The following SH3D19 variants were observed in gnomAD, a reference collection of about 807,000 sequenced individuals.
The protein encoded by SH3D19 is SH3 domain containing 19.
SH3D19 carries 58 observed loss-of-function variants against 112.1 expected under a neutral mutation model. That is an observed-to-expected ratio of 0.52 (90% CI 0.42 to 0.64). The LOEUF (loss-of-function observed/expected upper bound fraction) is 0.64, where lower values mean the gene tolerates loss of function less well. Ranked by LOEUF, SH3D19 falls within the 30% of genes least tolerant of loss-of-function variation. SH3D19 has a pLI of 0.00. For missense variants in SH3D19, 1,090 were observed against 1,263.4 expected (o/e 0.86, Z 2.08); for synonymous variants, 391 against 448.5 (o/e 0.87, Z 1.62).
intron 1 of SH3D19, among the ~76,000 whole-genome samples, chr4:151,240,488 T>C (rs536502035): frequency 4.7e-4 from 71 of 151,882 alleles, no homozygotes; most frequent in Non-Finnish European, 8.7e-4. Flanking sequence ...TGAGGCTTAA[T>C]TTCTCAGTCT....
intron 1 of SH3D19, among the ~76,000 whole-genome samples, chr4:151,287,947 G>A (rs1324427648): frequency 1.3e-5 from 2 of 152,004 alleles, no homozygotes; most frequent in African/African-American, 4.8e-5. Flanking sequence ...TTTATCCCAG[G>A]AAACTTAGGT....
At chr4:151,311,793 TTGCACCAC>T (rs1189091260) in intron 1 of SH3D19, among the ~76,000 whole-genome samples, 1 of 152,152 alleles carries the variant, frequency 6.6e-6, no homozygotes, top group African/African-American at 2.4e-5. Flanking sequence ...TGAGCCGTGA[TTGCACCAC>T]TGCATTATGG....
chr4:151,250,087 G>A (rs1464435978), intron 1 of SH3D19, among the ~76,000 whole-genome samples: 2 of 152,166 alleles, frequency 1.3e-5, no homozygotes, highest in African/African-American at 4.8e-5. Context: ...GGAGGATAAT[G>A]TGGCAATAGA....
At chr4:151,279,794 A>C in intron 1 of SH3D19, 1 of 1,613,676 alleles carries the variant, frequency 6.2e-7, no homozygotes, top group Non-Finnish European at 8.5e-7. Context: ...CTCTTTCTCT[A>C]GTGTGTGGGC....
intron 1 of SH3D19, among the ~76,000 whole-genome samples, chr4:151,302,936 G>A (rs1421810914): frequency 6.6e-6 from 1 of 152,126 alleles, no homozygotes; most frequent in Non-Finnish European, 1.5e-5. Context: ...GTTAATGGGT[G>A]CAGCCACCAA....
chr4:151,237,682 G>A (rs953179607), intron 1 of SH3D19, among the ~76,000 whole-genome samples: 5 of 152,164 alleles, frequency 3.3e-5, no homozygotes, highest in African/African-American at 1.2e-4. Flanking sequence ...TACACAAAGG[G>A]TAGTATATTT....
chr4:151,132,915 G>A (rs547084359), intron 16 of SH3D19, 119 bp downstream of exon 16: 1 of 879,270 alleles, frequency 1.1e-6, no homozygotes. Flanking sequence ...TTTAAAATCA[G>A]TTTTCCTTCT....
At chr4:151,205,022 T>C (rs1711684938) in intron 2 of SH3D19, among the ~76,000 whole-genome samples, 2 of 152,218 alleles carry the variant, frequency 1.3e-5, no homozygotes, top group South Asian at 2.1e-4. Context: ...GGTTTCACCA[T>C]GTTGGCCGGG....
intron 1 of SH3D19, 110 bp from the exon 2 acceptor site, chr4:151,226,196 G>A (rs915706088): frequency 1.6e-6 from 2 of 1,228,224 alleles, no homozygotes; most frequent in Admixed American, 8.5e-5. Flanking sequence ...ACTGTTCAAA[G>A]GTAGTTGTGT....
chr4:151,147,345 G>A (rs555852035), intron 11 of SH3D19, among the ~76,000 whole-genome samples: 22 of 152,318 alleles, frequency 1.4e-4, no homozygotes, highest in Admixed American at 2.6e-4. Context: ...ACTGGGTCAG[G>A]TTTTTCAGAA....
chr4:151,152,535 T>C (rs1250650567), intron 9 of SH3D19, among the ~76,000 whole-genome samples: 2 of 149,938 alleles, frequency 1.3e-5, no homozygotes, highest in Middle Eastern at 3.2e-3. Context: ...TTTTTTTTTT[T>C]CTGAGATGGA....
At chr4:151,191,952 T>TTTTTTC (rs370440388) in intron 2 of SH3D19, among the ~76,000 whole-genome samples, 107,570 of 129,574 alleles carry the variant, frequency 0.83, 46,184 homozygotes, top group Non-Finnish European at 0.94. Context: ...GCCCTTTTTT[T>TTTTTTC]TTTTTTTTTT....
intron 1 of SH3D19, among the ~76,000 whole-genome samples, chr4:151,316,981 C>T (rs549570184): frequency 1.3e-5 from 2 of 152,242 alleles, no homozygotes; most frequent in African/African-American, 4.8e-5. Flanking sequence ...ATGTCAAGTA[C>T]TATAAATTCC....
At chr4:151,130,548 T>C (rs1750417006) in intron 17 of SH3D19, among the ~76,000 whole-genome samples, 2 of 152,320 alleles carry the variant, frequency 1.3e-5, no homozygotes, top group Admixed American at 6.5e-5. Flanking sequence ...TCTGGGGTCA[T>C]GCTGAACAGT....
chr4:151,251,371 G>C (rs1771379763), intron 1 of SH3D19, among the ~76,000 whole-genome samples: 1 of 151,642 alleles, frequency 6.6e-6, no homozygotes, highest in Non-Finnish European at 1.5e-5. Context: ...GCTAATTTTT[G>C]TATTTTTAGT....
At chr4:151,275,827 A>G (rs1160996560) in intron 1 of SH3D19, among the ~76,000 whole-genome samples, 1 of 106,754 alleles carries the variant, frequency 9.4e-6, no homozygotes, top group Non-Finnish European at 2.1e-5. Flanking sequence ...AGCCACTTCT[A>G]TTATTATTAT....
chr4:151,152,460 G>A (rs1755218108), intron 9 of SH3D19, among the ~76,000 whole-genome samples: 1 of 150,782 alleles, frequency 6.6e-6, no homozygotes, highest in African/African-American at 2.4e-5. Flanking sequence ...CATCTGCACT[G>A]GAATAATATT....
In SH3D19 at chr4:151,132,339, T is replaced by C; in HGVS notation, c.2734A>G (p.Asn912Asp). Residue 912 changes from asparagine to aspartate, a missense_variant, in exon 17 of 20, where the codon AAC becomes GAC. Physicochemically the swap from Asn to Asp is conservative, Grantham distance 23 (BLOSUM62 1). Coordinates refer to ENST00000604030, the MANE Select transcript of SH3D19 (RefSeq NM_001378122.1). ...CTGTTCAAGCAGCCTACCTGAGAGT[T>C]TGAGCCAGAATCTTCTTTTTTGGTT... Reference protein sequence around the residue: ...LKTKKEDSGSNSQVNSLPAEW... With the variant: ...LKTKKEDSGSDSQVNSLPAEW... 8 of 1,614,076 alleles carry C rather than the reference T, an allele frequency of 5.0e-6. No individual in the cohort carries two copies. Among genetic ancestry groups the C allele is most frequent in the South Asian group, 1.1e-5 (1 of 91,062 alleles).
chr4:151,247,920 G>A (rs917144548), intron 1 of SH3D19, among the ~76,000 whole-genome samples: 42 of 152,152 alleles, frequency 2.8e-4, no homozygotes, highest in Non-Finnish European at 7.4e-5. Flanking sequence ...CAGTATGACT[G>A]TTTTCATCTT....
Sources: allele counts gnomAD v4.1 joint callset (sites outside exome capture counted in the v4.1 genomes callset), GRCh38; gene constraint gnomAD v4.1.1; transcripts MANE v1.5; gene names NCBI Gene and HGNC (gene_info 2026-07-23, HGNC 2026-07-21).